PADI3: variants seen among roughly 807,000 people sequenced by gnomAD.
The protein encoded by PADI3 is peptidyl arginine deiminase 3.
PADI3 carries 53 observed loss-of-function variants against 71.5 expected under a neutral mutation model. That is an observed-to-expected ratio of 0.74 (90% CI 0.59 to 0.93). The LOEUF (loss-of-function observed/expected upper bound fraction) is 0.93, where lower values mean the gene tolerates loss of function less well. PADI3 is among the 40% of genes least tolerant of loss of function. PADI3 has a pLI of 0.00. For synonymous variants in PADI3, 361 were observed against 347.5 expected, an observed-to-expected ratio of 1.04 and a Z score of -0.43; for missense variants, 821 against 868.0, an observed-to-expected ratio of 0.95 and a Z score of 0.68.
chr1:17,271,000 G>C lies in PADI3; in HGVS notation c.935+18G>C, dbSNP rs1330645955. On this transcript the variant is annotated intron_variant, in intron 8 of 15. Coordinates refer to ENST00000375460, the MANE Select transcript of PADI3 (RefSeq NM_016233.2). ...GTGTGCCGGTGAGTCTTGGGGCAGTGGGTGGTCCCTCTGGCCCCCAGGCCC... is the reference window on the plus strand; with the variant it reads ...GTGTGCCGGTGAGTCTTGGGGCAGTCGGTGGTCCCTCTGGCCCCCAGGCCC... The C allele has an allele frequency of 1.9e-6, 3 of 1,613,172 alleles. No homozygotes were observed. The African/African-American group carries it at 4.0e-5, about 22-fold the overall frequency.
chr1:17,266,480 A>G (rs1557504669), intron 4 of PADI3, among the ~76,000 whole-genome samples: 2 of 152,222 alleles, frequency 1.3e-5, no homozygotes, highest in African/African-American at 4.8e-5. Flanking sequence ...CTATTGAGAA[A>G]GAGGATGTTG....
chr1:17,277,753 C>G (rs533168272), intron 13 of PADI3: 1 of 154,000 alleles, frequency 6.5e-6, no homozygotes, highest in South Asian at 2.0e-4. Context: ...GCACATGTGC[C>G]ACTCAGCATC....
intron 3 of PADI3, among the ~76,000 whole-genome samples, chr1:17,263,570 C>T (rs942353018): frequency 7.2e-5 from 11 of 152,006 alleles, no homozygotes; most frequent in African/African-American, 2.7e-4. Context: ...TCTTTGTACC[C>T]TCAAAATAGT....
intron 1 of PADI3, among the ~76,000 whole-genome samples, chr1:17,253,713 A>G (rs1212574363): frequency 6.6e-6 from 1 of 152,196 alleles, no homozygotes; most frequent in Non-Finnish European, 1.5e-5. Flanking sequence ...AGCTGGGGCT[A>G]AGAACCGCTG....
chr1:17,281,349 G>A (rs2073398002), intron 15 of PADI3, among the ~76,000 whole-genome samples: 1 of 152,226 alleles, frequency 6.6e-6, no homozygotes, highest in African/African-American at 2.4e-5. Flanking sequence ...CAGCCTAAGA[G>A]GTAGAACTGG....
Position 17,273,405 on chromosome 1 carries a change from A to G in PADI3, c.1113A>G (p.Pro371=), listed in dbSNP as rs2073282912. 4.3e-6 allele frequency: 7 copies of G among 1,613,458 alleles called. No individual in the cohort carries two copies. The highest frequency in any genetic ancestry group is 1.3e-5 in the African/African-American group (1 of 74,920). The change falls in exon 10 of 16, where the codon CCA becomes CCG. Residue 371 remains proline (P), a synonymous_variant. Coordinates refer to ENST00000375460, the MANE Select transcript of PADI3 (RefSeq NM_016233.2). The part of the protein sequence containing the change: ...HKTLPVVFDS[P]RNGELQDFPY... ...CCCTCCCGGTGGTCTTTGACTCCCC[A>G]AGGAATGGGGAACTGCAGGATTTCC...
At chr1:17,266,913 G>A in intron 5 of PADI3, 77 bp downstream of exon 5, 1 of 1,118,394 alleles carries the variant, frequency 8.9e-7, no homozygotes, top group East Asian at 2.3e-5. Flanking sequence ...CAACCCACAG[G>A]CGAGACTCTG....
chr1:17,260,709 C>T (rs868423103), intron 2 of PADI3, among the ~76,000 whole-genome samples: 4 of 152,184 alleles, frequency 2.6e-5, no homozygotes, highest in African/African-American at 9.7e-5. Flanking sequence ...CCCAATGAAC[C>T]CATTTAATAG....
intron 3 of PADI3, among the ~76,000 whole-genome samples, chr1:17,264,898 C>G (rs371547520): frequency 6.6e-6 from 1 of 151,828 alleles, no homozygotes; most frequent in South Asian, 2.1e-4. Flanking sequence ...GTAGTCCCAG[C>G]CTCAGGAGGC....
In PADI3 at chr1:17,279,619, T is replaced by C. The variant is rs867952915; in HGVS notation, c.1556-731T>C. 9.2e-5 allele frequency among the ~76,000 whole-genome samples: 14 copies of C among 152,294 alleles called. No individual in the cohort carries two copies. The South Asian group carries it at 2.1e-3, about 23-fold the overall frequency. On this transcript the variant is annotated intron_variant, in intron 13 of 15. Transcript: ENST00000375460. ...TCCTACCTGTGTGACCTTTGGCAAGTCTTCTGACCTCTCTGAGCCTCAGTT... is the reference window on the plus strand; with the variant it reads ...TCCTACCTGTGTGACCTTTGGCAAGCCTTCTGACCTCTCTGAGCCTCAGTT...
In PADI3 at chr1:17,276,769, C is replaced by T. The variant is rs11586393; in HGVS notation, c.1453-5C>T. The T allele has an allele frequency of 2.3e-3, 3,769 of 1,613,638 alleles. 96 individuals carry two copies. The African/African-American group carries it at 0.044, about 19-fold the overall frequency. Reference sequence around the variant, plus strand: ...GGCTCAGCTGAATCTGTTCTCTGCACGCAGGGCTTCCGGATGCTCCTGGCC... The same window carrying T: ...GGCTCAGCTGAATCTGTTCTCTGCATGCAGGGCTTCCGGATGCTCCTGGCC... On this transcript the variant is annotated splice_region_variant and splice_polypyrimidine_tract_variant and intron_variant, in intron 12 of 15. Transcript: ENST00000375460.
chr1:17,265,985 G>C (rs964774894), intron 4 of PADI3, among the ~76,000 whole-genome samples: 1 of 152,208 alleles, frequency 6.6e-6, no homozygotes, highest in African/African-American at 2.4e-5. Context: ...TCATAAACTA[G>C]GTCAGGAGTG....
Position 17,283,054 on chromosome 1 carries a change from T to A in PADI3, c.1970T>A (p.Phe657Tyr). The A allele has an allele frequency of 6.2e-7, 1 of 1,614,126 alleles. No homozygotes were observed. The highest frequency in any genetic ancestry group is 2.2e-5 in the East Asian group (1 of 44,876). ...GTNVCRKPFS[F>Y]KWWNMVP ...AATGTGTGCAGAAAGCCCTTCTCTTTCAAGTGGTGGAACATGGTGCCCTGA... is the reference window on the plus strand; with the variant it reads ...AATGTGTGCAGAAAGCCCTTCTCTTACAAGTGGTGGAACATGGTGCCCTGA... The change falls in exon 16 of 16, where the codon TTC becomes TAC. Residue 657 changes from phenylalanine to tyrosine, a missense_variant. Transcript: ENST00000375460.
intron 2 of PADI3, among the ~76,000 whole-genome samples, chr1:17,260,094 C>T (rs927346068): frequency 6.6e-6 from 1 of 152,164 alleles, no homozygotes; most frequent in Non-Finnish European, 1.5e-5. Flanking sequence ...AAGGAGTTGT[C>T]CCAGTTCTGC....
At chr1:17,271,026 C>A in intron 8 of PADI3, 41 bp from the exon 9 acceptor site, 1 of 1,612,356 alleles carries the variant, frequency 6.2e-7, no homozygotes, top group Non-Finnish European at 8.5e-7. Context: ...CCCCAGGCCC[C>A]GGCTCCATCC....
intron 13 of PADI3, among the ~76,000 whole-genome samples, chr1:17,279,878 T>G (rs2073380031): frequency 6.6e-6 from 1 of 152,152 alleles, no homozygotes; most frequent in Non-Finnish European, 1.5e-5. Flanking sequence ...AGGTCCCCAT[T>G]TCACGCAGTC....
intron 13 of PADI3, among the ~76,000 whole-genome samples, chr1:17,278,206 G>C (rs2977299): frequency 0.56 from 85,165 of 152,124 alleles, 24,396 homozygotes; most frequent in African/African-American, 0.68. Flanking sequence ...GTACTCTTTT[G>C]TCTGCTCTTT....
At position 17,276,537 on chromosome 1, in the gene PADI3, C is replaced by A. The variant is rs2073332937; in HGVS notation, c.1326C>A (p.Val442=). 3 of 1,614,098 alleles carry A rather than the reference C, an allele frequency of 1.9e-6. No individual in the cohort carries two copies. The South Asian group carries it at 3.3e-5, about 18-fold the overall frequency. The change falls in exon 12 of 16, where the codon GTC becomes GTA. Residue 442 remains valine, a synonymous_variant. Coordinates refer to ENST00000375460, the MANE Select transcript of PADI3 (RefSeq NM_016233.2). ...GNLPGSSGRR[V]TQVVRDFLHA... ...GTCCCAGGTCAAGTGGCCGCAGGGT[C>A]ACCCAGGTGGTGCGGGACTTCCTCC...
At chr1:17,258,444 A>G (rs2073055348) in intron 1 of PADI3, among the ~76,000 whole-genome samples, 1 of 152,214 alleles carries the variant, frequency 6.6e-6, no homozygotes, top group Non-Finnish European at 1.5e-5. Flanking sequence ...CCAAGGAGGA[A>G]CCCCAGGCTA....
Sources: gnomAD v4.1 joint callset for allele counts (sites outside exome capture counted in the v4.1 genomes callset) on GRCh38, gnomAD v4.1.1 for gene constraint, MANE v1.5 for transcripts, NCBI Gene and HGNC (gene_info 2026-07-23, HGNC 2026-07-21) for gene names.